PDE4DIP: variants seen among roughly 807,000 people sequenced by gnomAD.
PDE4DIP encodes the protein phosphodiesterase 4D interacting protein.
PDE4DIP carries 59 observed loss-of-function variants against 221.4 expected under a neutral mutation model. The observed-to-expected ratio is 0.27, with a 90% CI of 0.22 to 0.33. The LOEUF (loss-of-function observed/expected upper bound fraction) is 0.33. Ranked by LOEUF, PDE4DIP falls within the 10% of genes least tolerant of loss-of-function variation. PDE4DIP has a pLI of 1.00. For synonymous variants in PDE4DIP, 404 were observed against 815.9 expected (o/e 0.50, Z 8.60); for missense variants, 1,036 against 2,154.2 (o/e 0.48, Z 10.28).
intron 1 of PDE4DIP, among the ~76,000 whole-genome samples, chr1:148,824,270 C>CA (rs1670094343): frequency 6.7e-6 from 1 of 149,000 alleles, no homozygotes; most frequent in African/African-American, 2.5e-5. Flanking sequence ...TTTTCAGACT[C>CA]ACGCACACGG....
intron 21 of PDE4DIP, among the ~76,000 whole-genome samples, chr1:148,986,739 C>A (rs2061972920): frequency 6.6e-6 from 1 of 152,182 alleles, no homozygotes; most frequent in South Asian, 2.1e-4. Context: ...TCCTTGCTTT[C>A]TTTGCTGTAG....
At chr1:149,017,977 G>A (rs1437106432) in intron 34 of PDE4DIP, 98 bp downstream of exon 37, 3 of 1,185,792 alleles carry the variant, frequency 2.5e-6, no homozygotes, top group Non-Finnish European at 3.6e-6. Context: ...CTTATGAACA[G>A]TCCAGCAAGG....
chr1:148,990,564 G>T (rs2062831338), intron 21 of PDE4DIP, among the ~76,000 whole-genome samples: 1 of 151,764 alleles, frequency 6.6e-6, no homozygotes, highest in South Asian at 2.1e-4. Context: ...AGAGTCCAGA[G>T]TCTTGACTTA....
intron 21 of PDE4DIP, chr1:148,984,670 T>G (rs1211012981): frequency 6.6e-6 from 1 of 152,082 alleles, no homozygotes; most frequent in African/African-American, 2.4e-5. Context: ...ATCTGGAGTC[T>G]TCTGATTGTG....
intron 29 of PDE4DIP, among the ~76,000 whole-genome samples, 160 bp downstream of exon 32, chr1:149,008,655 CT>C (rs201573746): frequency 0.011 from 1,668 of 148,906 alleles, 57 homozygotes; most frequent in African/African-American, 0.038. Flanking sequence ...TAAATTCTTT[CT>C]TCCCTTTTGG....
intron 21 of PDE4DIP, among the ~76,000 whole-genome samples, chr1:148,987,067 C>T (rs1553550663): frequency 1.3e-5 from 2 of 152,088 alleles, no homozygotes; most frequent in African/African-American, 4.8e-5. Context: ...TTCATACCCC[C>T]AAAAGTATTT....
intron 9 of PDE4DIP, among the ~76,000 whole-genome samples, chr1:148,964,094 C>A (rs1175260455): frequency 1.4e-5 from 2 of 142,352 alleles, no homozygotes; most frequent in African/African-American, 2.6e-5. Flanking sequence ...TCTTTCTTTT[C>A]TTTTCTTTCT....
chr1:148,901,653 CCTT>C (rs1328542024), intron 1 of PDE4DIP, among the ~76,000 whole-genome samples: 15 of 133,366 alleles, frequency 1.1e-4, no homozygotes, highest in South Asian at 2.7e-4. Flanking sequence ...AAGAGGAAGC[CCTT>C]CTTTAAGGTG....
At chr1:148,958,503 G>C (rs1473821702) in intron 5 of PDE4DIP, among the ~76,000 whole-genome samples, 1 of 152,136 alleles carries the variant, frequency 6.6e-6, no homozygotes, top group Non-Finnish European at 1.5e-5. Flanking sequence ...GTGCCTGCCT[G>C]CCTCTCCACC....
At chr1:148,989,980 G>A (rs587750558) in intron 21 of PDE4DIP, among the ~76,000 whole-genome samples, 1 of 152,268 alleles carries the variant, frequency 6.6e-6, no homozygotes, top group East Asian at 1.9e-4. Flanking sequence ...AATAACTCTT[G>A]TACACTGTCT....
chr1:148,893,107 ATTTTTTT>A (rs11287659), intron 1 of PDE4DIP, among the ~76,000 whole-genome samples: 6 of 58,308 alleles, frequency 1.0e-4, no homozygotes, highest in African/African-American at 2.2e-4. Flanking sequence ...GTGTGTATGT[ATTTTTTT>A]TTTTTTTTTT....
At chr1:149,009,608 G>A (rs782784686) in exon 30 of PDE4DIP, 86 of 1,613,628 alleles carry the variant, frequency 5.3e-5, no homozygotes, top group Non-Finnish European at 6.5e-5. Context: ...AGTGATTGAA[G>A]TCCTGCAGGC....
intron 22 of PDE4DIP, among the ~76,000 whole-genome samples, chr1:148,996,585 G>C (rs1329032162): frequency 1.3e-5 from 2 of 152,008 alleles, no homozygotes; most frequent in Admixed American, 6.6e-5. Context: ...CTTTGACCTG[G>C]GTGCGCATGT....
At chr1:148,918,677 A>C (rs1553460181) in intron 1 of PDE4DIP, among the ~76,000 whole-genome samples, 1 of 132,122 alleles carries the variant, frequency 7.6e-6, no homozygotes, top group African/African-American at 3.0e-5. Context: ...TGTCTATCCA[A>C]ACACCTAATC....
chr1:148,877,065 A>G (rs1691721893), intron 3 of PDE4DIP, among the ~76,000 whole-genome samples: 1 of 146,172 alleles, frequency 6.8e-6, no homozygotes, highest in Non-Finnish European at 1.5e-5. Flanking sequence ...TTTATATTTC[A>G]GTATTCTCTA....
intron 19 of PDE4DIP, 21 bp downstream of exon 22, chr1:148,978,436 CCTTA>C (rs1216876104): frequency 1.2e-5 from 17 of 1,467,734 alleles, no homozygotes; most frequent in African/African-American, 1.0e-4. Context: ...GGAATATAAA[CCTTA>C]TTTATTTATT....
intron 1 of PDE4DIP, among the ~76,000 whole-genome samples, chr1:148,821,621 G>T (rs1669274792): frequency 6.8e-6 from 1 of 147,122 alleles, no homozygotes; most frequent in Non-Finnish European, 1.5e-5. Context: ...AGTGCAGCTG[G>T]AGCATAATAA....
intron 1 of PDE4DIP, among the ~76,000 whole-genome samples, chr1:148,893,103 ATGTATTTTTTTT>A (rs1699336015): frequency 7.9e-5 from 7 of 88,416 alleles, no homozygotes. Context: ...GTGTGTGTGT[ATGTATTTTTTTT>A]TTTTTTTTTT....
At chr1:148,960,248 T>C (rs1308223002) in intron 5 of PDE4DIP, among the ~76,000 whole-genome samples, 1 of 152,132 alleles carries the variant, frequency 6.6e-6, no homozygotes, top group Non-Finnish European at 1.5e-5. Flanking sequence ...GTAGCCGGAA[T>C]GTAACTTCTC....
Sources: gnomAD v4.1 joint callset for allele counts (sites outside exome capture counted in the v4.1 genomes callset) on GRCh38, gnomAD v4.1.1 for gene constraint, MANE v1.5 for transcripts, NCBI Gene and HGNC (gene_info 2026-07-23, HGNC 2026-07-21) for gene names.